Variants in CLSTN2 observed in about 807,000 individuals in gnomAD.
CLSTN2 encodes calsyntenin 2.
In CLSTN2, 48 loss-of-function variants were observed where a neutral mutation model predicts 101.2. The ratio of observed to expected loss-of-function variants is 0.47; its 90% CI spans 0.38 to 0.60. The LOEUF (loss-of-function observed/expected upper bound fraction) is 0.60, where lower values mean the gene tolerates loss of function less well. CLSTN2 is among the 20% of genes least tolerant of loss of function. The probability of loss-of-function intolerance (pLI) is 0.00; values close to 1 mark genes in which losing one functional copy is unlikely to be tolerated. For missense variants in CLSTN2, 1,160 were observed against 1,238.2 expected (o/e 0.94, Z 0.95); for synonymous variants, 481 against 463.6 (o/e 1.04, Z -0.48).
intron 2 of CLSTN2, among the ~76,000 whole-genome samples, chr3:140,353,350 T>C (rs993519922): frequency 9.2e-5 from 14 of 151,828 alleles, no homozygotes; most frequent in African/African-American, 3.1e-4. Flanking sequence ...CAGTCCAAGT[T>C]CCAAAACTGA....
intron 8 of CLSTN2, among the ~76,000 whole-genome samples, chr3:140,479,054 G>A (rs1934056919): frequency 6.6e-6 from 1 of 152,178 alleles, no homozygotes; most frequent in African/African-American, 2.4e-5. Flanking sequence ...AAATCCCTGA[G>A]TATTCACAGA....
intron 1 of CLSTN2, among the ~76,000 whole-genome samples, chr3:140,060,920 A>G (rs941625022): frequency 1.3e-5 from 2 of 152,148 alleles, no homozygotes; most frequent in East Asian, 3.9e-4. Flanking sequence ...GAGAAGGATG[A>G]ATTTCTGCCT....
chr3:140,493,492 T>C (rs1189580225), intron 8 of CLSTN2, among the ~76,000 whole-genome samples: 4 of 152,218 alleles, frequency 2.6e-5, no homozygotes, highest in Non-Finnish European at 5.9e-5. Flanking sequence ...CAAGTTTGCT[T>C]CTTCAGCCAA....
chr3:140,463,704 A>G (rs58113078), intron 7 of CLSTN2, among the ~76,000 whole-genome samples: 47,905 of 151,600 alleles, frequency 0.32, 7,902 homozygotes, highest in African/African-American at 0.4. Flanking sequence ...GGCTGCCACA[A>G]TTATAGGGTG....
intron 2 of CLSTN2, among the ~76,000 whole-genome samples, chr3:140,211,020 A>G (rs773016073): frequency 2.0e-5 from 3 of 152,084 alleles, no homozygotes; most frequent in Non-Finnish European, 2.9e-5. Context: ...TTTTAAAGAA[A>G]GATTTTGTAG....
At position 140,575,839 on chromosome 3, in the gene CLSTN2, T is replaced by C. The variant is rs1985715796; in HGVS notation, c.*9586T>C. ...ATATGTGTGCATATATGTGTACATA[T>C]ACACATACCCCAAAGCCATATACAT... On this transcript the variant is annotated 3_prime_UTR_variant, in exon 17 of 17. Transcript: ENST00000458420. 6.6e-6 allele frequency: 1 copy of C among 152,168 alleles called. No individual in the cohort carries two copies. The highest frequency in any genetic ancestry group is 6.5e-5 in the Admixed American group (1 of 15,272). 9.4% of individuals were successfully genotyped at this position (152,168 alleles called of 1,614,324 possible). A position where few individuals can be genotyped will look rare whatever the true frequency, so the allele number is the denominator to read the frequency against.
chr3:140,071,957 T>A (rs966612750), intron 1 of CLSTN2, among the ~76,000 whole-genome samples: 10 of 152,172 alleles, frequency 6.6e-5, no homozygotes, highest in African/African-American at 2.4e-4. Flanking sequence ...ATCTGTCAGA[T>A]TTGCTGATTG....
intron 2 of CLSTN2, among the ~76,000 whole-genome samples, chr3:140,276,121 G>C (rs527497874): frequency 6.6e-6 from 1 of 152,160 alleles, no homozygotes; most frequent in Non-Finnish European, 1.5e-5. Flanking sequence ...CACCCAGAGA[G>C]CAAAGAATGC....
chr3:140,285,022 G>A (rs1276707577), intron 2 of CLSTN2, among the ~76,000 whole-genome samples: 1 of 152,058 alleles, frequency 6.6e-6, no homozygotes, highest in East Asian at 1.9e-4. Flanking sequence ...GTAAAACAAG[G>A]AAAGAGGAAA....
At chr3:140,530,157 G>A (rs2107778226) in intron 8 of CLSTN2, among the ~76,000 whole-genome samples, 1 of 152,190 alleles carries the variant, frequency 6.6e-6, no homozygotes, top group African/African-American at 2.4e-5. Flanking sequence ...ATTTATAATA[G>A]CTGTTACATA....
rs373962422 is a variant in CLSTN2 at position 140,558,642 on chromosome 3, G to A, written c.1826G>A (p.Cys609Tyr). Residue 609 changes from cysteine to tyrosine, a missense_variant and splice_region_variant, in exon 12 of 17, where the codon TGC becomes TAC. Transcript: ENST00000458420. The stretch of plus-strand genomic sequence containing the variant: ...CATGACCGAGAATGTTTTCCCAGGT[G>A]CTTTGGGGAAGACGTATGCATCAGT... ...RRLKVSSKVQ[C>Y]FGEDVCISIP... 3.1e-6 allele frequency: 5 copies of A among 1,611,712 alleles called. No individual in the cohort carries two copies. Among genetic ancestry groups the A allele is most frequent in the Non-Finnish European group, 4.2e-6 (5 of 1,178,290 alleles).
At chr3:139,982,693 T>C (rs1383082491) in intron 1 of CLSTN2, among the ~76,000 whole-genome samples, 1 of 152,186 alleles carries the variant, frequency 6.6e-6, no homozygotes, top group African/African-American at 2.4e-5. Context: ...TAATGCATCA[T>C]GGCTAAAGTC....
intron 2 of CLSTN2, among the ~76,000 whole-genome samples, chr3:140,353,242 C>T (rs1182527823): frequency 1.4e-5 from 2 of 146,822 alleles, no homozygotes; most frequent in East Asian, 2.0e-4. Flanking sequence ...TATGTTTACA[C>T]ATATATATAT....
intron 2 of CLSTN2, among the ~76,000 whole-genome samples, chr3:140,320,908 G>C (rs1373156209): frequency 6.6e-6 from 1 of 152,158 alleles, no homozygotes; most frequent in Admixed American, 6.5e-5. Flanking sequence ...ACGTTGGCTT[G>C]TTCATTTGAT....
chr3:140,476,398 A>G (rs1406801146), intron 8 of CLSTN2, among the ~76,000 whole-genome samples: 1 of 152,180 alleles, frequency 6.6e-6, no homozygotes, highest in East Asian at 1.9e-4. Flanking sequence ...CAGATTATGG[A>G]TGAAGAGTGG....
At chr3:140,123,272 T>C (rs946642466) in intron 1 of CLSTN2, among the ~76,000 whole-genome samples, 1 of 151,974 alleles carries the variant, frequency 6.6e-6, no homozygotes, top group Non-Finnish European at 1.5e-5. Flanking sequence ...AAGGCATTAA[T>C]CTCATTCATG....
chr3:140,263,558 T>A (rs1416571753), intron 2 of CLSTN2, among the ~76,000 whole-genome samples: 2 of 152,168 alleles, frequency 1.3e-5, no homozygotes, highest in African/African-American at 4.8e-5. Flanking sequence ...GGAGCCTAAT[T>A]ACCAGTTAAC....
chr3:140,090,745 AC>A (rs2008764530), intron 1 of CLSTN2, among the ~76,000 whole-genome samples: 1 of 152,074 alleles, frequency 6.6e-6, no homozygotes, highest in South Asian at 2.1e-4. Context: ...GGTAGGGCAA[AC>A]TTAGGGTGAA....
Position 140,185,126 on chromosome 3 carries a change from T to C in CLSTN2, c.232+9053T>C, listed in dbSNP as rs547255661. Among the ~76,000 whole-genome samples the C allele has an allele frequency of 5.3e-5, 8 of 152,294 alleles. No homozygotes were observed. In the East Asian group the frequency reaches 1.4e-3, roughly 26 times the overall value. ...CTTCTTTCATCATCATTTGGTTTTATTTGCTATATCCCAAGTCCGGGGGAC... is the reference window on the plus strand; with the variant it reads ...CTTCTTTCATCATCATTTGGTTTTACTTGCTATATCCCAAGTCCGGGGGAC... On this transcript the variant is annotated intron_variant, in intron 2 of 16. Transcript: ENST00000458420.
Sources: gnomAD v4.1 joint callset for allele counts (sites outside exome capture counted in the v4.1 genomes callset) on GRCh38, gnomAD v4.1.1 for gene constraint, MANE v1.5 for transcripts, NCBI Gene and HGNC (gene_info 2026-07-23, HGNC 2026-07-21) for gene names.